FAR2: variants seen among roughly 807,000 people sequenced by gnomAD.
FAR2 encodes fatty acyl-CoA reductase 2, also known as epididymis secretory protein Li 81.
In FAR2, 19 loss-of-function variants were observed where a neutral mutation model predicts 56.0. That is an observed-to-expected ratio of 0.34 (90% CI 0.24 to 0.50). The LOEUF (loss-of-function observed/expected upper bound fraction) is 0.50, where lower values mean the gene tolerates loss of function less well. Among genes scored for constraint, FAR2 ranks in the 20% least tolerant of loss-of-function variants. FAR2 has a pLI of 0.98. For missense variants in FAR2, 508 were observed against 642.2 expected (o/e 0.79, Z 2.26); for synonymous variants, 219 against 218.8 (o/e 1.00, Z -0.01).
chr12:29,305,890 A>G (rs957916873), intron 4 of FAR2, among the ~76,000 whole-genome samples: 1 of 152,008 alleles, frequency 6.6e-6, no homozygotes, highest in Non-Finnish European at 1.5e-5. Context: ...CCCAAATATT[A>G]TCCTTTCCAT....
intron 1 of FAR2, among the ~76,000 whole-genome samples, chr12:29,251,317 A>T (rs1430490886): frequency 6.6e-6 from 1 of 152,284 alleles, no homozygotes; most frequent in East Asian, 1.9e-4. Flanking sequence ...CAAAAAATTT[A>T]AACTTAATCT....
chr12:29,281,898 T>C (rs1246793812), intron 2 of FAR2, among the ~76,000 whole-genome samples: 1 of 152,214 alleles, frequency 6.6e-6, no homozygotes, highest in Non-Finnish European at 1.5e-5. Context: ...AAATTTGTTA[T>C]TGGTTTTAGC....
At chr12:29,207,898 TTCA>T (rs1232928176) in intron 1 of FAR2, among the ~76,000 whole-genome samples, 1 of 152,222 alleles carries the variant, frequency 6.6e-6, no homozygotes, top group Non-Finnish European at 1.5e-5. Context: ...TCTTTGCTTA[TTCA>T]TATGGTGAGA....
intron 1 of FAR2, among the ~76,000 whole-genome samples, chr12:29,160,046 G>T (rs530880108): frequency 3.9e-5 from 6 of 152,286 alleles, no homozygotes; most frequent in Non-Finnish European, 7.4e-5. Context: ...AACTAGATGA[G>T]TACAGGCATT....
At chr12:29,242,758 A>C (rs1948058642) in intron 1 of FAR2, among the ~76,000 whole-genome samples, 1 of 152,192 alleles carries the variant, frequency 6.6e-6, no homozygotes, top group Non-Finnish European at 1.5e-5. Flanking sequence ...AGAGGACAGT[A>C]AAGGAAAAAC....
intron 1 of FAR2, among the ~76,000 whole-genome samples, chr12:29,194,260 T>G (rs1950126568): frequency 6.6e-6 from 1 of 152,162 alleles, no homozygotes; most frequent in Non-Finnish European, 1.5e-5. Flanking sequence ...GAACGAATCT[T>G]CAACTTCTCA....
At chr12:29,194,728 T>C (rs990270530) in intron 1 of FAR2, among the ~76,000 whole-genome samples, 5 of 152,138 alleles carry the variant, frequency 3.3e-5, no homozygotes, top group African/African-American at 1.2e-4. Flanking sequence ...AGGGTGGCAG[T>C]GTATGATTCG....
intron 2 of FAR2, among the ~76,000 whole-genome samples, chr12:29,291,719 T>C (rs1297725638): frequency 1.3e-5 from 2 of 152,224 alleles, no homozygotes; most frequent in African/African-American, 4.8e-5. Context: ...CACTGACCTG[T>C]TGGATTCCAG....
chr12:29,243,336 C>T (rs958220151), intron 1 of FAR2, among the ~76,000 whole-genome samples: 7 of 152,190 alleles, frequency 4.6e-5, no homozygotes, highest in Non-Finnish European at 1.0e-4. Context: ...GCAAGTCTGA[C>T]TTATAGCAGG....
intron 11 of FAR2, chr12:29,333,124 T>C: frequency 3.0e-6 from 1 of 331,590 alleles, no homozygotes; most frequent in Non-Finnish European, 5.8e-6. Flanking sequence ...CACTCCTCAA[T>C]TTTTTCAACT....
chr12:29,245,561 A>C (rs1948114692), intron 1 of FAR2, among the ~76,000 whole-genome samples: 3 of 152,210 alleles, frequency 2.0e-5, no homozygotes. Context: ...TATGAGAACC[A>C]CTACTCCTTG....
intron 2 of FAR2, among the ~76,000 whole-genome samples, chr12:29,286,064 GACACACACACACACACACACACACAT>G (rs1359824297): frequency 3.5e-4 from 53 of 150,882 alleles, no homozygotes; most frequent in African/African-American, 1.2e-3. Context: ...CACACACACA[GACACACACACACACACACACACACAT>G]ACACACACAC....
chr12:29,204,055 T>C (rs1362544130), intron 1 of FAR2, among the ~76,000 whole-genome samples: 1 of 150,042 alleles, frequency 6.7e-6, no homozygotes, highest in Non-Finnish European at 1.5e-5. Context: ...GTGTAGCCTT[T>C]CAGTAGAATC....
In FAR2 at chr12:29,170,230, G is replaced by A. The variant is rs567420897; in HGVS notation, c.-39+20823G>A. 8.3e-4 allele frequency among the ~76,000 whole-genome samples: 126 copies of A among 152,366 alleles called. 1 individual carries two copies. The highest frequency in any genetic ancestry group is 2.9e-3 in the African/African-American group (119 of 41,592). ...CCTTATCATTTACTGAATACCCATT[G>A]TGTCTTTTTCCCTTAATCGCCTGGG... On this transcript the variant is annotated intron_variant, in intron 1 of 11. Coordinates refer to ENST00000536681, the MANE Select transcript of FAR2 (RefSeq NM_001271783.2).
chr12:29,272,448 C>T (rs1054919283), intron 2 of FAR2, among the ~76,000 whole-genome samples: 3 of 152,178 alleles, frequency 2.0e-5, no homozygotes, highest in Admixed American at 6.5e-5. Flanking sequence ...GTATGCCTTA[C>T]GACATTGTTG....
intron 1 of FAR2, among the ~76,000 whole-genome samples, chr12:29,222,749 G>C (rs1947710129): frequency 6.6e-6 from 1 of 152,252 alleles, no homozygotes; most frequent in East Asian, 1.9e-4. Flanking sequence ...GGGTCAAAGA[G>C]GAAGTCTTTG....
At chr12:29,171,712 C>T in intron 1 of FAR2, 1 of 149,458 alleles carries the variant, frequency 6.7e-6, no homozygotes, top group Non-Finnish European at 1.5e-5. Context: ...ATGTGAGGAG[C>T]ACCTCGGACT....
intron 1 of FAR2, among the ~76,000 whole-genome samples, chr12:29,177,280 T>C (rs1029279411): frequency 2.0e-5 from 3 of 152,140 alleles, no homozygotes; most frequent in Non-Finnish European, 4.4e-5. Context: ...GGATCCAGGA[T>C]AGCAATGGCG....
At chr12:29,257,679 G>A (rs1948347731) in intron 1 of FAR2, among the ~76,000 whole-genome samples, 1 of 151,872 alleles carries the variant, frequency 6.6e-6, no homozygotes, top group Non-Finnish European at 1.5e-5. Flanking sequence ...GCCGCCTTAA[G>A]AGCTGTAACA....
Sources: allele counts gnomAD v4.1 joint callset (sites outside exome capture counted in the v4.1 genomes callset), GRCh38; gene constraint gnomAD v4.1.1; transcripts MANE v1.5; gene names NCBI Gene and HGNC (gene_info 2026-07-23, HGNC 2026-07-21).